ADGRL2: variants seen among roughly 807,000 people sequenced by gnomAD.
ADGRL2 encodes calcium-independent alpha-latrotoxin receptor 2.
ADGRL2 carries 44 observed loss-of-function variants against 157.4 expected under a neutral mutation model. The ratio of observed to expected loss-of-function variants is 0.28; its 90% CI spans 0.22 to 0.36. The LOEUF (loss-of-function observed/expected upper bound fraction) is 0.36. Among genes scored for constraint, ADGRL2 ranks in the 10% least tolerant of loss-of-function variants. ADGRL2 has a pLI of 1.00. For missense variants in ADGRL2, 1,510 were observed against 1,768.9 expected (o/e 0.85, Z 2.63); for synonymous variants, 585 against 624.7 (o/e 0.94, Z 0.95).
Position 81,952,104 on chromosome 1 carries a change from C to T in ADGRL2, c.1756C>T (p.Pro586Ser), listed in dbSNP as rs1458226486. Residue 586 changes from proline to serine, a missense_variant, in exon 9 of 24, where the codon CCT becomes TCT. Around this residue, in one of 4 missense-constraint regions of ADGRL2, gnomAD observed 325 missense variants for 333.2 expected, o/e 0.98. Transcript: ENST00000686636. ...ILDAQLQELK[P>S]SEKDSAGRSY... ...TGATGCACAGCTGCAGGAACTGAAA[C>T]CTAGTGAAAAAGATTCAGCTGGACG... 6.2e-7 allele frequency: 1 copy of T among 1,612,536 alleles called. No individual in the cohort carries two copies. The highest frequency in any genetic ancestry group is 1.3e-5 in the African/African-American group (1 of 74,802).
intron 2 of ADGRL2, among the ~76,000 whole-genome samples, chr1:81,485,359 A>G (rs1344036471): frequency 6.6e-6 from 1 of 152,080 alleles, no homozygotes; most frequent in Non-Finnish European, 1.5e-5. Context: ...TAGAGTCTCC[A>G]TGTTGCCCCT....
intron 3 of ADGRL2, among the ~76,000 whole-genome samples, chr1:81,692,267 C>T (rs2083357825): frequency 6.6e-6 from 1 of 151,986 alleles, no homozygotes; most frequent in African/African-American, 2.4e-5. Flanking sequence ...ATTAGCTGCA[C>T]TCCAGCCTGG....
chr1:81,989,575 C>T (rs755396089), intron 23 of ADGRL2: 49 of 1,122,958 alleles, frequency 4.4e-5, no homozygotes, highest in Non-Finnish European at 6.0e-5. Flanking sequence ...TTGTTGAACC[C>T]TTGCTCTGAC....
chr1:81,911,560 C>T (rs1442663166), intron 3 of ADGRL2, among the ~76,000 whole-genome samples: 2 of 152,222 alleles, frequency 1.3e-5, no homozygotes, highest in South Asian at 2.1e-4. Context: ...AAAACCTGCT[C>T]ATTGTTATCA....
At position 81,864,041 on chromosome 1, in the gene ADGRL2, C is replaced by T. The variant is rs370025078; in HGVS notation, c.73+26984C>T. 3.9e-5 allele frequency among the ~76,000 whole-genome samples: 6 copies of T among 152,220 alleles called. No homozygotes were observed. The East Asian group carries it at 5.8e-4, about 15-fold the overall frequency. On this transcript the variant is annotated intron_variant, in intron 2 of 23. Coordinates refer to ENST00000686636, the MANE Select transcript of ADGRL2 (RefSeq NM_001366006.2). ...AATCCTAGAATTTAATTTTTCTTCA[C>T]GGACACTAAAATTATGAAAACCACG... is the stretch of plus-strand genomic sequence containing the variant.
intron 2 of ADGRL2, among the ~76,000 whole-genome samples, chr1:81,497,720 A>G (rs1276815415): frequency 6.6e-6 from 1 of 152,244 alleles, no homozygotes; most frequent in Admixed American, 6.5e-5. Flanking sequence ...TTCATATAAG[A>G]AATGAAATGA....
intron 2 of ADGRL2, among the ~76,000 whole-genome samples, chr1:81,567,402 A>G (rs2080586917): frequency 6.6e-6 from 1 of 152,122 alleles, no homozygotes; most frequent in Non-Finnish European, 1.5e-5. Flanking sequence ...TACAGCACTG[A>G]ATTCTCCCTC....
chr1:81,489,408 T>C (rs991871095), intron 2 of ADGRL2, among the ~76,000 whole-genome samples: 2 of 152,076 alleles, frequency 1.3e-5, no homozygotes, highest in African/African-American at 4.8e-5. Context: ...ATGGAAATTA[T>C]TGAGTCTGAG....
intron 1 of ADGRL2, among the ~76,000 whole-genome samples, chr1:81,337,093 G>T (rs1661698571): frequency 6.6e-6 from 1 of 152,084 alleles, no homozygotes; most frequent in Admixed American, 6.6e-5. Flanking sequence ...CGATTTCCAG[G>T]GGAAGACTAG....
At chr1:81,555,842 C>T (rs2080262017) in intron 2 of ADGRL2, among the ~76,000 whole-genome samples, 1 of 152,062 alleles carries the variant, frequency 6.6e-6, no homozygotes, top group Admixed American at 6.5e-5. Context: ...AAACTCAAAA[C>T]AGAAAGGGAT....
At chr1:81,319,188 C>G (rs960863490) in intron 1 of ADGRL2, among the ~76,000 whole-genome samples, 1 of 151,786 alleles carries the variant, frequency 6.6e-6, no homozygotes, top group African/African-American at 2.4e-5. Context: ...CTCAAGTGAT[C>G]CACCTGCCTC....
chr1:81,574,979 A>T (rs1012469633), intron 2 of ADGRL2, among the ~76,000 whole-genome samples: 1 of 152,222 alleles, frequency 6.6e-6, no homozygotes, highest in Non-Finnish European at 1.5e-5. Flanking sequence ...GCTAGCGCCT[A>T]AATTTCCTAC....
intron 3 of ADGRL2, among the ~76,000 whole-genome samples, chr1:81,602,793 G>A (rs889573951): frequency 9.2e-5 from 14 of 151,578 alleles, no homozygotes; most frequent in South Asian, 4.2e-4. Flanking sequence ...AGCTACTCGG[G>A]GGGCTGAGGC....
intron 2 of ADGRL2, among the ~76,000 whole-genome samples, chr1:81,574,528 GTCACTTTATT>G: frequency 6.6e-6 from 1 of 152,162 alleles, no homozygotes; most frequent in Non-Finnish European, 1.5e-5. Flanking sequence ...ACACTGGCTG[GTCACTTTATT>G]TGGCACCAAA....
chr1:81,550,966 T>C (rs1345351507), intron 2 of ADGRL2, among the ~76,000 whole-genome samples: 1 of 152,070 alleles, frequency 6.6e-6, no homozygotes, highest in Admixed American at 6.6e-5. Context: ...GGCTGAGACA[T>C]GATGATGTCA....
At chr1:81,654,801 T>C (rs1025421069) in intron 3 of ADGRL2, among the ~76,000 whole-genome samples, 1 of 152,188 alleles carries the variant, frequency 6.6e-6, no homozygotes, top group Admixed American at 6.5e-5. Context: ...TATAATGGAT[T>C]TCTGAAACCA....
At chr1:81,344,285 G>A (rs773000730) in intron 1 of ADGRL2, among the ~76,000 whole-genome samples, 13 of 152,140 alleles carry the variant, frequency 8.5e-5, no homozygotes, top group Non-Finnish European at 1.9e-4. Flanking sequence ...CATGCTGTGA[G>A]TATTTATAAA....
At chr1:81,726,442 A>C (rs1179887618) in intron 1 of ADGRL2, among the ~76,000 whole-genome samples, 1 of 152,148 alleles carries the variant, frequency 6.6e-6, no homozygotes, top group African/African-American at 2.4e-5. Context: ...GATTACTCAA[A>C]ATGTGCTTAA....
At chr1:81,683,315 A>G (rs2083158353) in intron 3 of ADGRL2, among the ~76,000 whole-genome samples, 1 of 152,044 alleles carries the variant, frequency 6.6e-6, no homozygotes, top group Non-Finnish European at 1.5e-5. Flanking sequence ...TTTTTCCATA[A>G]GTTATTGGGG....
Sources: gnomAD v4.1 joint callset for allele counts (sites outside exome capture counted in the v4.1 genomes callset) on GRCh38, gnomAD v4.1.1 for gene constraint, gnomAD v4.1.1 regional missense constraint, MANE v1.5 for transcripts, NCBI Gene and HGNC (gene_info 2026-07-23, HGNC 2026-07-21) for gene names.